Variants in ABHD5 observed in about 807,000 individuals in gnomAD.
ABHD5 encodes the protein 1-acylglycerol-3-phosphate O-acyltransferase ABHD5.
In ABHD5, 30 loss-of-function variants were observed where a neutral mutation model predicts 44.9. That is an observed-to-expected ratio of 0.67 (90% CI 0.50 to 0.91). ABHD5 has a LOEUF of 0.91. Among genes scored for constraint, ABHD5 ranks in the 40% least tolerant of loss-of-function variants. ABHD5 has a pLI of 0.00. For missense variants in ABHD5, 399 were observed against 423.4 expected (o/e 0.94, Z 0.50); for synonymous variants, 167 against 147.0 (o/e 1.14, Z -0.99).
Position 43,704,109 on chromosome 3 carries a change from G to A in ABHD5, c.506+1522G>A, listed in dbSNP as rs187474292. On this transcript the variant is annotated intron_variant, in intron 3 of 6. Coordinates refer to ENST00000644371, the MANE Select transcript of ABHD5 (RefSeq NM_016006.6). ...CTGGAGTGCAGTGGCGCGGTATCTCGGCTCACCGCAACCTCCGTCTCCCAG... is the reference window on the plus strand; with the variant it reads ...CTGGAGTGCAGTGGCGCGGTATCTCAGCTCACCGCAACCTCCGTCTCCCAG... Among the ~76,000 whole-genome samples the A allele has an allele frequency of 9.8e-4, 144 of 146,844 alleles. 1 individual carries two copies. The highest frequency in any genetic ancestry group is 3.5e-3 in the African/African-American group (138 of 39,776).
intron 3 of ABHD5, among the ~76,000 whole-genome samples, chr3:43,705,750 G>C (rs547458473): frequency 6.6e-6 from 1 of 152,142 alleles, no homozygotes; most frequent in Non-Finnish European, 1.5e-5. Flanking sequence ...TTTAAATGGA[G>C]AGGACAGGGA....
chr3:43,699,426 C>A, intron 2 of ABHD5, 65 bp downstream of exon 2: 1 of 1,395,852 alleles, frequency 7.2e-7, no homozygotes, highest in Non-Finnish European at 1.0e-6. Flanking sequence ...TATCTCATTG[C>A]CCTGAAACTG....
intron 1 of ABHD5, among the ~76,000 whole-genome samples, chr3:43,696,115 G>A: frequency 6.6e-6 from 1 of 152,218 alleles, no homozygotes; most frequent in Non-Finnish European, 1.5e-5. Context: ...CTTTCCCCAT[G>A]TCATAGATGC....
chr3:43,726,442 A>C (rs1417131666), downstream of ABHD5, among the ~76,000 whole-genome samples: 1 of 152,200 alleles, frequency 6.6e-6, no homozygotes, highest in African/African-American at 2.4e-5. Context: ...GAAGCCAGGC[A>C]TTGAGGACAA....
chr3:43,700,766 G>T (rs2084532635), intron 2 of ABHD5, among the ~76,000 whole-genome samples: 1 of 148,844 alleles, frequency 6.7e-6, no homozygotes, highest in Non-Finnish European at 1.5e-5. Flanking sequence ...TAGAGATGGG[G>T]TTTCGCCATG....
rs1041234550 is a variant in ABHD5 at position 43,702,389 on chromosome 3, C to G, written c.308C>G (p.Pro103Arg). ...LNFGDLCTNR[P>R]VYAFDLLGFG... Reference sequence around the variant, plus strand: ...TTTGGAGATCTTTGCACCAACAGACCTGTCTATGCTTTTGACCTATTGGGT... The same window carrying G: ...TTTGGAGATCTTTGCACCAACAGACGTGTCTATGCTTTTGACCTATTGGGT... The change falls in exon 3 of 7, where the codon CCT (proline) becomes CGT (arginine). Residue 103 changes from proline (P) to arginine (R), a missense_variant. Physicochemically the swap from Pro to Arg is moderately radical, Grantham distance 103. Transcript: ENST00000644371. 2 of 1,614,084 alleles carry G rather than the reference C, an allele frequency of 1.2e-6. No homozygotes were observed. Among genetic ancestry groups the G allele is most frequent in the Non-Finnish European group, 1.7e-6 (2 of 1,180,052 alleles).
In ABHD5 at chr3:43,699,374, T is replaced by C; in HGVS notation, c.133+13T>C. On this transcript the variant is annotated intron_variant, in intron 2 of 6. Coordinates refer to ENST00000644371, the MANE Select transcript of ABHD5 (RefSeq NM_016006.6). ...AAGATGTTAAAATGTAAGGCTTTCT[T>C]CTTGTAAGTTAAATGAGCTGTGTAC... 1 of 1,601,734 alleles carries C rather than the reference T, an allele frequency of 6.2e-7. No homozygotes were observed. The highest frequency in any genetic ancestry group is 8.6e-7 in the Non-Finnish European group (1 of 1,168,944).
intron 1 of ABHD5, 139 bp downstream of exon 1, chr3:43,691,178 T>C (rs2084371168): frequency 1.2e-6 from 1 of 833,346 alleles, no homozygotes; most frequent in South Asian, 3.2e-5. Context: ...CTCCCCGGCA[T>C]GAGTCCGCGC....
At chr3:43,726,005 A>G (rs1575610421), downstream of ABHD5, among the ~76,000 whole-genome samples, 1 of 151,940 alleles carries the variant, frequency 6.6e-6, no homozygotes, top group Non-Finnish European at 1.5e-5. Flanking sequence ...AGCTGGGACT[A>G]TAGGCGCCCA....
rs777005988 is a variant in ABHD5 at position 43,702,341 on chromosome 3, G to A, written c.260G>A (p.Gly87Asp). 6.2e-7 allele frequency: 1 copy of A among 1,613,986 alleles called. No homozygotes were observed. The highest frequency in any genetic ancestry group is 8.5e-7 in the Non-Finnish European group (1 of 1,179,838). ...GTCCTTCTCCATGGTTTTGGAGGAG[G>A]TCTTGGGCTCTGGGCACTGAATTTT... ...PLVLLHGFGGGLGLWALNFGD... is the reference protein window; with the variant it reads ...PLVLLHGFGGDLGLWALNFGD... Residue 87 changes from glycine to aspartate, a missense_variant, in exon 3 of 7, where the codon GGT (glycine) becomes GAT (aspartate). Gly to Asp is a moderately conservative substitution (Grantham distance 94). Transcript: ENST00000644371.
chr3:43,709,462 A>G lies in ABHD5; in HGVS notation c.507-2247A>G, dbSNP rs560963710. Among the ~76,000 whole-genome samples, 7 of 152,304 alleles carry G rather than the reference A, an allele frequency of 4.6e-5. No homozygotes were observed. The East Asian group carries it at 5.8e-4, about 13-fold the overall frequency. On this transcript the variant is annotated intron_variant, in intron 3 of 6. Transcript: ENST00000644371. ...CTACAGACAGATGAGACTTCTGTCA[A>G]GTTTTCCTTTGTCCTACCTGTTTTT...
chr3:43,730,499 C>CTTTTTTTTTTTTTTTTTTTTTTTTTTTTT (rs68058215), intron 7 of ABHD5, among the ~76,000 whole-genome samples: 1 of 68,972 alleles, frequency 1.4e-5, no homozygotes, highest in Non-Finnish European at 2.7e-5. Flanking sequence ...AAAATAATCC[C>CTTTTTTTTTTTTTTTTTTTTTTTTTTTTT]TTTTTTTTTT....
At chr3:43,694,125 TGGC>T (rs10562104) in intron 1 of ABHD5, among the ~76,000 whole-genome samples, 2,965 of 147,890 alleles carry the variant, frequency 0.02, 45 homozygotes, top group South Asian at 0.079. Flanking sequence ...CCGGGCAAGG[TGGC>T]GGCGCCTGTA....
At chr3:43,729,609 G>A (rs1345970898) in intron 7 of ABHD5, among the ~76,000 whole-genome samples, 1 of 152,176 alleles carries the variant, frequency 6.6e-6, no homozygotes, top group Non-Finnish European at 1.5e-5. Flanking sequence ...TAATAGTGTA[G>A]GGTTGGCCTG....
Position 43,719,761 on chromosome 3 carries a change from C to T in ABHD5, c.*1229C>T, listed in dbSNP as rs2084811202. 6.6e-6 allele frequency: 1 copy of T among 152,058 alleles called. No homozygotes were observed. Among genetic ancestry groups the T allele is most frequent in the Non-Finnish European group, 1.5e-5 (1 of 68,000 alleles). The allele number at this position is 152,058 out of a possible 1,614,324, so 9.4% of individuals were successfully genotyped here. ...GTAACTGGCTGCTGAGAAAACCCTT[C>T]ACCAAAAAAATAAATAAAAATTGAA... On this transcript the variant is annotated 3_prime_UTR_variant, in exon 7 of 7. Coordinates refer to ENST00000644371, the MANE Select transcript of ABHD5 (RefSeq NM_016006.6).
rs2084840797 is a variant in ABHD5, at chr3:43,721,855, C to CTT, written c.*3325_*3326dup. On this transcript the variant is annotated 3_prime_UTR_variant, in exon 7 of 7. Coordinates refer to ENST00000644371, the MANE Select transcript of ABHD5 (RefSeq NM_016006.6). Reference sequence around the variant, plus strand: ...TAACAGAAAATAGAATGCAAATGGTCTTTAAACATACAAGGATATGCATAA... The same window carrying CTT: ...TAACAGAAAATAGAATGCAAATGGTCTTTTTAAACATACAAGGATATGCATAA... The CTT allele has an allele frequency of 6.6e-6, 1 of 152,096 alleles. No homozygotes were observed. The highest frequency in any genetic ancestry group is 1.5e-5 in the Non-Finnish European group (1 of 68,020). 9.4% of individuals were successfully genotyped at this position (152,096 alleles called of 1,614,324 possible). A position where few individuals can be genotyped will look rare whatever the true frequency, so the allele number is the denominator to read the frequency against.
At chr3:43,704,840 G>T (rs1007025273) in intron 3 of ABHD5, among the ~76,000 whole-genome samples, 13 of 152,170 alleles carry the variant, frequency 8.5e-5, no homozygotes, top group Non-Finnish European at 1.8e-4. Context: ...ACTGTCTCAG[G>T]ACCAAGAATC....
chr3:43,721,766 A>G lies in ABHD5; in HGVS notation c.*3234A>G, dbSNP rs945228272. The G allele has an allele frequency of 5.3e-5, 8 of 152,146 alleles. No individual in the cohort carries two copies. Among genetic ancestry groups the G allele is most frequent in the Non-Finnish European group, 7.3e-5 (5 of 68,028 alleles). The allele number at this position is 152,146 out of a possible 1,614,324, so 9.4% of individuals were successfully genotyped here. A position where few individuals can be genotyped will look rare whatever the true frequency, so the allele number is the denominator to read the frequency against. ...CACAGAGGGCTAATTGTAGCCCTATATATGAAGAATTTTAAACTATGAGAA... is the reference window on the plus strand; with the variant it reads ...CACAGAGGGCTAATTGTAGCCCTATGTATGAAGAATTTTAAACTATGAGAA... On this transcript the variant is annotated 3_prime_UTR_variant, in exon 7 of 7. Transcript: ENST00000644371.
In ABHD5 at chr3:43,721,068, A is replaced by G. The variant is rs911656338; in HGVS notation, c.*2536A>G. ...AGTACTGGAAAGAATAAACAAAAAT[A>G]GCCAGAAGATGCCTAGAAAAGAACA... On this transcript the variant is annotated 3_prime_UTR_variant, in exon 7 of 7. Transcript: ENST00000644371. 6.6e-6 allele frequency: 1 copy of G among 152,222 alleles called. No individual in the cohort carries two copies. Among genetic ancestry groups the G allele is most frequent in the Non-Finnish European group, 1.5e-5 (1 of 68,046 alleles). 9.4% of individuals were successfully genotyped at this position (152,222 alleles called of 1,614,324 possible).
Sources: allele counts gnomAD v4.1 joint callset (sites outside exome capture counted in the v4.1 genomes callset), GRCh38; gene constraint gnomAD v4.1.1; transcripts MANE v1.5; gene names NCBI Gene and HGNC (gene_info 2026-07-23, HGNC 2026-07-21).